RANBP2: variants seen among roughly 807,000 people sequenced by gnomAD.
RANBP2 encodes E3 SUMO-protein ligase RanBP2.
RANBP2 carries 57 observed loss-of-function variants against 303.6 expected under a neutral mutation model. The ratio of observed to expected loss-of-function variants is 0.19; its 90% CI spans 0.15 to 0.23. RANBP2 has a LOEUF of 0.23. RANBP2 is among the 10% of genes least tolerant of loss of function. RANBP2 has a pLI of 1.00. For missense variants in RANBP2, 3,138 were observed against 3,780.8 expected (o/e 0.83, Z 4.46); for synonymous variants, 1,167 against 1,301.5 (o/e 0.90, Z 2.23).
At chr2:108,892,292 A>C in the RANBP2 span, among the ~76,000 whole-genome samples, 1 of 152,014 alleles carries the variant, frequency 6.6e-6, no homozygotes, top group African/African-American at 2.4e-5. Context: ...AGGAGGCCCC[A>C]TTTCAGCTGG....
the RANBP2 span, among the ~76,000 whole-genome samples, chr2:109,348,675 A>G: frequency 6.6e-5 from 10 of 152,212 alleles, no homozygotes; most frequent in Admixed American, 1.3e-4. Flanking sequence ...CGTTTTCTCC[A>G]TGTGTAAACC....
the RANBP2 span, among the ~76,000 whole-genome samples, chr2:109,199,936 G>A: frequency 7.4e-6 from 1 of 135,316 alleles, no homozygotes; most frequent in Non-Finnish European, 1.6e-5. Flanking sequence ...CCGCTGTACA[G>A]CACGTGTCCC....
the RANBP2 span, among the ~76,000 whole-genome samples, chr2:109,276,620 A>G: frequency 6.6e-6 from 1 of 152,226 alleles, no homozygotes; most frequent in African/African-American, 2.4e-5. Flanking sequence ...TTGTTTTGCC[A>G]TGGTGCTTTG....
At chr2:109,435,522 C>G in the RANBP2 span, among the ~76,000 whole-genome samples, 1 of 152,196 alleles carries the variant, frequency 6.6e-6, no homozygotes, top group African/African-American at 2.4e-5. Context: ...GTATAGTGCT[C>G]AGAGCTGAGC....
chr2:108,775,185 C>T (rs72833190), intron 23 of RANBP2, among the ~76,000 whole-genome samples: 11,043 of 152,122 alleles, frequency 0.073, 519 homozygotes, highest in Middle Eastern at 0.12. Context: ...TTGATCTGTA[C>T]GTTAGATGCT....
the RANBP2 span, among the ~76,000 whole-genome samples, chr2:109,486,855 C>T: frequency 2.6e-5 from 4 of 152,324 alleles, no homozygotes; most frequent in East Asian, 3.9e-4. Context: ...GCACCTTTCT[C>T]GGCAGATCTG....
At chr2:109,525,782 C>T in the RANBP2 span, among the ~76,000 whole-genome samples, 1 of 152,188 alleles carries the variant, frequency 6.6e-6, no homozygotes. Flanking sequence ...GATGCGTTTC[C>T]TACTTGCACT....
At chr2:109,210,931 T>C in the RANBP2 span, among the ~76,000 whole-genome samples, 1 of 152,340 alleles carries the variant, frequency 6.6e-6, no homozygotes, top group Non-Finnish European at 1.5e-5. Flanking sequence ...GCTGCTGTCC[T>C]TTCCTGTCAG....
chr2:109,481,153 A>G, the RANBP2 span, among the ~76,000 whole-genome samples: 1 of 152,210 alleles, frequency 6.6e-6, no homozygotes, highest in Non-Finnish European at 1.5e-5. Context: ...CAAGAAATCC[A>G]TGAGAGGGGA....
chr2:109,241,138 G>A, the RANBP2 span, among the ~76,000 whole-genome samples: 1 of 152,158 alleles, frequency 6.6e-6, no homozygotes, highest in African/African-American at 2.4e-5. Flanking sequence ...CAAATTAGTC[G>A]ACAGTCAATG....
the RANBP2 span, among the ~76,000 whole-genome samples, chr2:108,978,939 C>A: frequency 2.6e-5 from 4 of 152,258 alleles, no homozygotes; most frequent in Admixed American, 1.3e-4. Flanking sequence ...GAAAGCTTTC[C>A]AAAAGGAAAC....
At chr2:109,203,864 G>A in the RANBP2 span, among the ~76,000 whole-genome samples, 1 of 152,202 alleles carries the variant, frequency 6.6e-6, no homozygotes, top group Non-Finnish European at 1.5e-5. Context: ...CTACCCCTGG[G>A]CCCTTCTTGT....
chr2:108,878,402 A>G, the RANBP2 span: 19 of 215,362 alleles, frequency 8.8e-5, no homozygotes, highest in African/African-American at 3.7e-4. Flanking sequence ...ATGAAAACTG[A>G]TAATAAAATC....
At chr2:109,473,379 GCT>G in the RANBP2 span, among the ~76,000 whole-genome samples, 1 of 152,136 alleles carries the variant, frequency 6.6e-6, no homozygotes, top group Non-Finnish European at 1.5e-5. Flanking sequence ...AATAGGGCGT[GCT>G]CTGAGGCCCC....
the RANBP2 span, among the ~76,000 whole-genome samples, chr2:109,196,894 C>T: frequency 6.6e-6 from 1 of 152,216 alleles, no homozygotes; most frequent in Non-Finnish European, 1.5e-5. Context: ...AGGACCCCGG[C>T]ACATCATAGA....
chr2:108,949,220 G>A, the RANBP2 span, among the ~76,000 whole-genome samples: 332 of 152,234 alleles, frequency 2.2e-3, 4 homozygotes, highest in South Asian at 4.2e-3. Flanking sequence ...GAGCTCAAGT[G>A]TTCCACCTGC....
Position 108,755,016 on chromosome 2 carries a change from G to C in RANBP2, c.2314G>C (p.Asp772His), listed in dbSNP as rs776333740. ...TAAAAATGGTTCTTTGCGAAATGCA[G>C]ATTCAGAAATAAAACATTCTACACC... ...LYKNGSLRNA[D>H]SEIKHSTPSP... The change falls in exon 16 of 29, where the codon GAT becomes CAT. Residue 772 changes from aspartate (D) to histidine (H), a missense_variant. Around this residue, in one of 20 missense-constraint regions of RANBP2, gnomAD observed 194 missense variants for 197.4 expected, o/e 0.98. Coordinates refer to ENST00000283195, the MANE Select transcript of RANBP2 (RefSeq NM_006267.5). The C allele has an allele frequency of 7.4e-6, 12 of 1,611,722 alleles. No individual in the cohort carries two copies. The South Asian group carries it at 1.3e-4, about 18-fold the overall frequency.
At chr2:109,615,158 G>C in the RANBP2 span, 1 of 1,549,352 alleles carries the variant, frequency 6.5e-7, no homozygotes, top group Non-Finnish European at 8.7e-7. Flanking sequence ...TGTGTCCCGG[G>C]GGCAGCAGCC....
chr2:108,797,597 G>A, the RANBP2 span, among the ~76,000 whole-genome samples: 1 of 152,094 alleles, frequency 6.6e-6, no homozygotes. Context: ...CAAAATAATA[G>A]AGGGATAATC....
Sources: allele counts gnomAD v4.1 joint callset (sites outside exome capture counted in the v4.1 genomes callset), GRCh38; gene constraint gnomAD v4.1.1; regional missense constraint gnomAD v4.1.1; transcripts MANE v1.5; gene names NCBI Gene and HGNC (gene_info 2026-07-23, HGNC 2026-07-21).